The following HECW1 variants were observed in gnomAD, a reference collection of about 807,000 sequenced individuals.
The protein encoded by HECW1 is E3 ubiquitin-protein ligase HECW1.
HECW1 carries 61 observed loss-of-function variants against 182.3 expected under a neutral mutation model. The observed-to-expected ratio is 0.33, with a 90% confidence interval of 0.27 to 0.41. The LOEUF (loss-of-function observed/expected upper bound fraction) is 0.41. HECW1 is among the 10% of genes least tolerant of loss of function. The pLI is 1.00. For missense variants in HECW1, 1,739 were observed against 2,108.9 expected (o/e 0.82, Z 3.44); for synonymous variants, 859 against 832.6 (o/e 1.03, Z -0.55).
chr7:43,130,235 C>G (rs1269841670), intron 2 of HECW1, among the ~76,000 whole-genome samples: 1 of 152,056 alleles, frequency 6.6e-6, no homozygotes, highest in Non-Finnish European at 1.5e-5. Context: ...TATCCCTTAC[C>G]AAAATGCTTG....
In HECW1 at chr7:43,181,970, GA is replaced by G. The variant is rs1480015444; in HGVS notation, c.-31-61902del. 1.3e-5 allele frequency among the ~76,000 whole-genome samples: 2 copies of G among 151,068 alleles called. 1 individual carries two copies. Among genetic ancestry groups the G allele is most frequent in the African/African-American group, 4.9e-5 (2 of 40,422 alleles). On this transcript the variant is annotated intron_variant, in intron 2 of 29. Coordinates refer to ENST00000395891, the MANE Select transcript of HECW1 (RefSeq NM_015052.5). ...CGGCTAATTTTTTGTATTTTTAGTA[GA>G]AATGGGGTTTCACCATGTTAGCCAG... is the stretch of plus-strand genomic sequence containing the variant.
At chr7:43,123,257 G>A (rs924591457) in intron 2 of HECW1, among the ~76,000 whole-genome samples, 6 of 152,194 alleles carry the variant, frequency 3.9e-5, no homozygotes, top group African/African-American at 1.4e-4. Context: ...TGCTTCCGGA[G>A]GAGCTACTCA....
At chr7:43,559,322 A>T (rs2082133232) in intron 29 of HECW1, among the ~76,000 whole-genome samples, 1 of 151,714 alleles carries the variant, frequency 6.6e-6, no homozygotes, top group African/African-American at 2.4e-5. Context: ...TCTCCAAAAC[A>T]TCCATCGCAC....
intron 16 of HECW1, among the ~76,000 whole-genome samples, chr7:43,474,017 C>A (rs1429486658): frequency 6.6e-6 from 1 of 151,876 alleles, no homozygotes; most frequent in African/African-American, 2.4e-5. Flanking sequence ...ACAAACAGAT[C>A]CAGTTTACAA....
At chr7:43,392,638 G>A (rs1437698383) in intron 6 of HECW1, among the ~76,000 whole-genome samples, 2 of 152,210 alleles carry the variant, frequency 1.3e-5, no homozygotes, top group African/African-American at 2.4e-5. Context: ...GAGAAGCCCT[G>A]ATGTCTTGGG....
intron 3 of HECW1, among the ~76,000 whole-genome samples, chr7:43,290,197 G>A (rs1324214402): frequency 6.6e-6 from 1 of 152,204 alleles, no homozygotes. Context: ...TCAAAAGACA[G>A]CTTTGCAGGG....
chr7:43,319,833 G>C (rs1240788780), intron 4 of HECW1, among the ~76,000 whole-genome samples: 1 of 138,114 alleles, frequency 7.2e-6, no homozygotes, highest in Non-Finnish European at 1.5e-5. Context: ...TGCTGGTCTC[G>C]AACTGCTGAC....
rs185200966 is a variant in HECW1, at chr7:43,305,918, G to A, written c.28-5845G>A. ...TGGGATTACAGGCATGTGCCACCAC[G>A]CCTGGCTAATTTTGTATTTTTAGTA... On this transcript the variant is annotated intron_variant, in intron 3 of 29. Transcript: ENST00000395891. Among the ~76,000 whole-genome samples, 181 of 152,138 alleles carry A rather than the reference G, an allele frequency of 1.2e-3. 1 individual carries two copies. The Middle Eastern group carries it at 0.014, about 11-fold the overall frequency.
chr7:43,378,729 C>T (rs768201085), intron 6 of HECW1, among the ~76,000 whole-genome samples: 8 of 151,940 alleles, frequency 5.3e-5, no homozygotes, highest in Non-Finnish European at 8.8e-5. Flanking sequence ...TAGCTTGAAC[C>T]CAGGAGGCAG....
chr7:43,183,940 A>G (rs2152678352), intron 2 of HECW1, among the ~76,000 whole-genome samples: 1 of 150,260 alleles, frequency 6.7e-6, no homozygotes, highest in East Asian at 1.9e-4. Flanking sequence ...TTTCTTCATC[A>G]CTGTTTTAAG....
intron 2 of HECW1, among the ~76,000 whole-genome samples, chr7:43,149,044 C>A (rs1044375587): frequency 4.6e-5 from 7 of 152,026 alleles, no homozygotes; most frequent in Admixed American, 4.6e-4. Context: ...CATCAGAACA[C>A]CCCTGTAATA....
At chr7:43,522,436 T>A (rs1177425086) in intron 24 of HECW1, 2 of 152,274 alleles carry the variant, frequency 1.3e-5, no homozygotes, top group African/African-American at 4.8e-5. Flanking sequence ...CCTCCTGGAC[T>A]GAGTCAGAGG....
chr7:43,406,490 T>C (rs2075614242), intron 7 of HECW1, among the ~76,000 whole-genome samples: 1 of 152,204 alleles, frequency 6.6e-6, no homozygotes, highest in Non-Finnish European at 1.5e-5. Context: ...TAACAAATTA[T>C]TGAAACCCCT....
At chr7:43,209,139 C>T (rs1023787437) in intron 2 of HECW1, among the ~76,000 whole-genome samples, 1 of 151,928 alleles carries the variant, frequency 6.6e-6, no homozygotes, top group Admixed American at 6.6e-5. Flanking sequence ...TGTGAGGCCC[C>T]AAATTGTTTT....
At chr7:43,541,746 A>G (rs2081370681) in intron 25 of HECW1, 123 bp from the exon 26 acceptor site, 2 of 876,610 alleles carry the variant, frequency 2.3e-6, no homozygotes, top group East Asian at 3.0e-5. Context: ...AGTGGATTCA[A>G]AAGTATCCAA....
intron 2 of HECW1, among the ~76,000 whole-genome samples, chr7:43,150,297 T>G (rs546871823): frequency 6.6e-6 from 1 of 152,256 alleles, no homozygotes. Flanking sequence ...TATAACACTG[T>G]GTATTCCTCT....
intron 3 of HECW1, among the ~76,000 whole-genome samples, chr7:43,257,441 A>T (rs1406856341): frequency 3.9e-5 from 6 of 152,164 alleles, no homozygotes; most frequent in Admixed American, 3.3e-4. Context: ...TCTGCCTTCA[A>T]GGTAAGAAGG....
chr7:43,253,303 A>G (rs896467906), intron 3 of HECW1, among the ~76,000 whole-genome samples: 1 of 152,190 alleles, frequency 6.6e-6, no homozygotes, highest in African/African-American at 2.4e-5. Flanking sequence ...GTCCTGCCAC[A>G]TGCCTACACA....
intron 5 of HECW1, among the ~76,000 whole-genome samples, chr7:43,350,642 G>A (rs1386500293): frequency 6.6e-6 from 1 of 152,124 alleles, no homozygotes; most frequent in Non-Finnish European, 1.5e-5. Flanking sequence ...TCTTCTACTT[G>A]TTCAGTTCTA....
Sources: gnomAD v4.1 joint callset for allele counts (sites outside exome capture counted in the v4.1 genomes callset) on GRCh38, gnomAD v4.1.1 for gene constraint, MANE v1.5 for transcripts, NCBI Gene and HGNC (gene_info 2026-07-23, HGNC 2026-07-21) for gene names.